BAG4: variants seen among roughly 807,000 people sequenced by gnomAD.
BAG4 encodes BAG family molecular chaperone regulator 4.
Under a neutral mutation model 52.1 loss-of-function variants are expected in BAG4, and 28 were observed. The observed-to-expected ratio is 0.54, with a 90% CI of 0.40 to 0.74. The LOEUF (loss-of-function observed/expected upper bound fraction) is 0.74, where lower values mean the gene tolerates loss of function less well. BAG4 is among the 30% of genes least tolerant of loss of function. BAG4 has a pLI of 0.00. For missense variants in BAG4, 525 were observed against 572.0 expected (o/e 0.92, Z 0.84); for synonymous variants, 208 against 217.0 (o/e 0.96, Z 0.37).
chr8:38,210,580 T>C lies in BAG4; in HGVS notation c.*87T>C, dbSNP rs758890670. 1 of 1,455,288 alleles carries C rather than the reference T, an allele frequency of 6.9e-7. No homozygotes were observed. The highest frequency in any genetic ancestry group is 2.5e-5 in the Admixed American group (1 of 40,800). 90.1% of individuals were successfully genotyped at this position (1,455,288 alleles called of 1,614,324 possible). ...AATTACCCTCTTTTTGAAATGCCTG[T>C]TGATGACAAGAAGCAATACATTCCA... On this transcript the variant is annotated 3_prime_UTR_variant, in exon 5 of 5. Coordinates refer to ENST00000287322, the MANE Select transcript of BAG4 (RefSeq NM_004874.4).
At chr8:38,201,860 ATATATATATATATATATATATT>A (rs1803672921) in intron 2 of BAG4, 2 of 9,080 alleles carry the variant, frequency 2.2e-4, no homozygotes, top group African/African-American at 5.7e-4. Flanking sequence ...ATATATATAT[ATATATATATATATATATATATT>A]TTTTTTTTTT....
intron 2 of BAG4, among the ~76,000 whole-genome samples, chr8:38,197,363 A>C (rs1271465270): frequency 6.6e-6 from 1 of 152,238 alleles, no homozygotes; most frequent in Admixed American, 6.5e-5. Flanking sequence ...ACAGCATGTT[A>C]CTGTACTGAA....
chr8:38,178,891 T>TGG (rs1414242968), intron 1 of BAG4, among the ~76,000 whole-genome samples: 1 of 152,056 alleles, frequency 6.6e-6, no homozygotes, highest in Non-Finnish European at 1.5e-5. Context: ...TCCCAGCACT[T>TGG]TGAGTTGCCG....
chr8:38,207,699 C>A lies in BAG4; in HGVS notation c.566C>A (p.Pro189His), dbSNP rs764321796. The A allele has an allele frequency of 6.2e-7, 1 of 1,614,090 alleles. No homozygotes were observed. The highest frequency in any genetic ancestry group is 1.3e-5 in the African/African-American group (1 of 75,030). The change falls in exon 3 of 5, where the codon CCC becomes CAC. Residue 189 changes from proline to histidine, a missense_variant. This residue lies in a region of BAG4 where 287 missense variants were observed against 266.1 expected (regional missense o/e 1.08). Transcript: ENST00000287322. ...ACTCCAGTCTCTCGTTGGATCTATC[C>A]CCAGCAGGACTGTCAGACTGAAGCA... ...SPTPVSRWIY[P>H]QQDCQTEAPP...
In BAG4 at chr8:38,177,346, T is replaced by C. The variant is rs112961317; in HGVS notation, c.270+207T>C. The stretch of plus-strand genomic sequence containing the variant: ...TTTTCTGCTTCGACCCCAAAAAATA[T>C]GTTTATTACCATTTAAAAAAGAAAG... On this transcript the variant is annotated intron_variant, in intron 1 of 4. Transcript: ENST00000287322. Among the ~76,000 whole-genome samples, 544 of 152,312 alleles carry C rather than the reference T, an allele frequency of 3.6e-3. 7 individuals are homozygous for C. The highest frequency in any genetic ancestry group is 0.012 in the African/African-American group (511 of 41,556).
At position 38,209,105 on chromosome 8, in the gene BAG4, G is replaced by C. The variant is rs140078461; in HGVS notation, c.726G>C (p.Ala242=). The change falls in exon 4 of 5, where the codon GCG becomes GCC. Residue 242 remains alanine, a synonymous_variant. Transcript: ENST00000287322. ...SGPTVRPQED[A]WASPGAYGMG... ...CGACTGTACGACCACAAGAAGATGC[G>C]TGGGCTTCTCCTGGTGCTTATGGAA... 3.9e-5 allele frequency: 63 copies of C among 1,614,010 alleles called. No homozygotes were observed. In the African/African-American group the frequency reaches 8.1e-4, roughly 21 times the overall value.
At chr8:38,207,853 G>A in intron 3 of BAG4, 87 bp downstream of exon 3, 1 of 1,447,976 alleles carries the variant, frequency 6.9e-7, no homozygotes. Context: ...TACTAGTGCT[G>A]ATTTAATAAG....
At chr8:38,194,885 C>T (rs561569210) in intron 2 of BAG4, among the ~76,000 whole-genome samples, 74 of 127,148 alleles carry the variant, frequency 5.8e-4, no homozygotes, top group Admixed American at 2.8e-3. Flanking sequence ...GGCCGAGTCT[C>T]GCTCTGTTGC....
chr8:38,176,885 C>G lies in BAG4; in HGVS notation c.16C>G (p.Arg6Gly). Residue 6 changes from arginine (R) to glycine (G), a missense_variant, in exon 1 of 5, where the codon CGC becomes GGC. By Grantham distance (125) the Arg-to-Gly change is moderately radical (BLOSUM62 -2). Transcript: ENST00000287322. The part of the protein sequence containing the change: MSALR[R>G]SGYGPSDGPS... ...AGCGGATCCCATGTCGGCCCTGAGGCGCTCGGGCTACGGCCCCAGTGACGG... is the reference window on the plus strand; with the variant it reads ...AGCGGATCCCATGTCGGCCCTGAGGGGCTCGGGCTACGGCCCCAGTGACGG... 1 of 1,540,162 alleles carries G rather than the reference C, an allele frequency of 6.5e-7. No homozygotes were observed. The highest frequency in any genetic ancestry group is 8.8e-7 in the Non-Finnish European group (1 of 1,141,928).
chr8:38,201,865 TATATATATA>T (rs1563284085), intron 2 of BAG4: 34 of 9,132 alleles, frequency 3.7e-3, no homozygotes, highest in Non-Finnish European at 8.6e-3. Context: ...TATATATATA[TATATATATA>T]TATATATTTT....
chr8:38,182,716 A>G (rs1803291334), intron 1 of BAG4, among the ~76,000 whole-genome samples: 1 of 152,160 alleles, frequency 6.6e-6, no homozygotes, highest in Non-Finnish European at 1.5e-5. Flanking sequence ...ATGCTATTTC[A>G]TAGAATTAGT....
At chr8:38,183,423 CA>C (rs1803308363) in intron 1 of BAG4, among the ~76,000 whole-genome samples, 1 of 152,134 alleles carries the variant, frequency 6.6e-6, no homozygotes, top group Non-Finnish European at 1.5e-5. Flanking sequence ...CCTGCCGACT[CA>C]AAAGTTAGAT....
chr8:38,191,353 G>C (rs182610078), intron 1 of BAG4, among the ~76,000 whole-genome samples: 1 of 152,178 alleles, frequency 6.6e-6, no homozygotes, highest in African/African-American at 2.4e-5. Flanking sequence ...GATAAGTAGT[G>C]CAGTTAAGCT....
intron 1 of BAG4, among the ~76,000 whole-genome samples, chr8:38,183,469 A>G (rs1353427723): frequency 6.6e-6 from 1 of 152,176 alleles, no homozygotes; most frequent in Non-Finnish European, 1.5e-5. Context: ...ACTGTTTTCA[A>G]GGTTATTCCA....
At chr8:38,199,570 C>T (rs1253772550) in intron 2 of BAG4, among the ~76,000 whole-genome samples, 3 of 150,124 alleles carry the variant, frequency 2.0e-5, no homozygotes, top group African/African-American at 7.4e-5. Flanking sequence ...GTCGCCCAGG[C>T]TGGAGTGCAG....
intron 2 of BAG4, chr8:38,203,834 CAAAAAAA>C (rs58448399): frequency 1.9e-5 from 1 of 52,128 alleles, no homozygotes; most frequent in Non-Finnish European, 4.0e-5. Context: ...GACCCTGTCT[CAAAAAAA>C]AAAAAAAAAA....
intron 1 of BAG4, among the ~76,000 whole-genome samples, chr8:38,179,423 C>T (rs1803226560): frequency 6.6e-6 from 1 of 151,754 alleles, no homozygotes; most frequent in South Asian, 2.1e-4. Context: ...TCCAAAAGTG[C>T]TGGGATTACA....
intron 2 of BAG4, among the ~76,000 whole-genome samples, chr8:38,207,062 C>T (rs1263236129): frequency 6.6e-6 from 1 of 151,116 alleles, no homozygotes; most frequent in African/African-American, 2.4e-5. Flanking sequence ...AAGCGATTCT[C>T]CTGCGTCAGC....
chr8:38,195,686 A>G (rs1803551140), intron 2 of BAG4, among the ~76,000 whole-genome samples: 1 of 152,154 alleles, frequency 6.6e-6, no homozygotes, highest in South Asian at 2.1e-4. Flanking sequence ...ACAAACTTTC[A>G]TTTTACTTGT....
Sources: allele counts gnomAD v4.1 joint callset (sites outside exome capture counted in the v4.1 genomes callset), GRCh38; gene constraint gnomAD v4.1.1; regional missense constraint gnomAD v4.1.1; transcripts MANE v1.5; gene names NCBI Gene and HGNC (gene_info 2026-07-23, HGNC 2026-07-21).